ESRRB: variants seen among roughly 807,000 people sequenced by gnomAD.
ESRRB encodes steroid hormone receptor ERR2.
Under a neutral mutation model 46.0 loss-of-function variants are expected in ESRRB, and 16 were observed. The ratio of observed to expected loss-of-function variants is 0.35; its 90% CI spans 0.24 to 0.53. ESRRB has a LOEUF of 0.53. Among genes scored for constraint, ESRRB ranks in the 20% least tolerant of loss-of-function variants. The pLI is 0.93. For missense variants in ESRRB, 488 were observed against 607.4 expected (o/e 0.80, Z 2.07); for synonymous variants, 246 against 259.6 (o/e 0.95, Z 0.50).
Position 76,358,497 on chromosome 14 carries a change from G to A in ESRRB, c.2+47581G>A, listed in dbSNP as rs745510109. On this transcript the variant is annotated intron_variant, in intron 1 of 6. Transcript: ENST00000512784. ...CATGAGCTGGGGTGCTGCAGGGTTT[G>A]ATTTTCTCATCGGCGTGCTGGGTAC... 7.3e-5 allele frequency among the ~76,000 whole-genome samples: 11 copies of A among 151,544 alleles called. 1 individual carries two copies. Among genetic ancestry groups the A allele is most frequent in the African/African-American group, 9.8e-5 (4 of 40,920 alleles).
intron 2 of ESRRB, among the ~76,000 whole-genome samples, chr14:76,454,689 T>A (rs1888528415): frequency 6.6e-6 from 1 of 152,084 alleles, no homozygotes; most frequent in African/African-American, 2.4e-5. Flanking sequence ...GGGATTAGGG[T>A]GGACAATTTG....
chr14:76,330,270 G>A (rs529334761), intron 1 of ESRRB, among the ~76,000 whole-genome samples: 12 of 152,272 alleles, frequency 7.9e-5, no homozygotes, highest in African/African-American at 2.6e-4. Flanking sequence ...ATGGGGTCCC[G>A]GGAGCCAGGC....
At chr14:76,391,674 A>G (rs549298070) in intron 1 of ESRRB, among the ~76,000 whole-genome samples, 2 of 152,362 alleles carry the variant, frequency 1.3e-5, no homozygotes, top group East Asian at 3.9e-4. Context: ...TCTGCAGCAC[A>G]GAGTCAGTCA....
rs1888574627 is a variant in ESRRB at position 76,455,655 on chromosome 14, C to CA, written c.461-6890_461-6889insA. On this transcript the variant is annotated intron_variant, in intron 2 of 6. Transcript: ENST00000644823. ...TTAAAAGGTATAGGAGAGGTAAAAT[C>CA]GGCAATACCTTGTATATGTGGAAAT... Among the ~76,000 whole-genome samples the CA allele has an allele frequency of 2.6e-5, 4 of 152,214 alleles. No individual in the cohort carries two copies. In the South Asian group the frequency reaches 8.3e-4, roughly 32 times the overall value.
intron 3 of ESRRB, among the ~76,000 whole-genome samples, chr14:76,474,613 G>T (rs1389703691): frequency 6.6e-6 from 1 of 152,106 alleles, no homozygotes; most frequent in Non-Finnish European, 1.5e-5. Flanking sequence ...GGCTGAAGAG[G>T]GTGGATTGCT....
chr14:76,373,276 T>C (rs116339721), upstream of ESRRB, among the ~76,000 whole-genome samples: 507 of 152,252 alleles, frequency 3.3e-3, 1 homozygote, highest in African/African-American at 0.011. Context: ...AGCAGTAAAA[T>C]AAATCATGAT....
chr14:76,467,409 G>A (rs1889163583), intron 3 of ESRRB, among the ~76,000 whole-genome samples: 1 of 150,940 alleles, frequency 6.6e-6, no homozygotes, highest in South Asian at 2.1e-4. Flanking sequence ...ACTGAGGCAG[G>A]AGCATTGCTT....
At chr14:76,405,539 G>A (rs778061096) in intron 1 of ESRRB, among the ~76,000 whole-genome samples, 1 of 152,188 alleles carries the variant, frequency 6.6e-6, no homozygotes, top group African/African-American at 2.4e-5. Flanking sequence ...CCATGAGCAT[G>A]ATCAGAAGAG....
intron 1 of ESRRB, 125 bp from the exon 2 acceptor site, chr14:76,439,216 C>A: frequency 9.0e-7 from 1 of 1,107,208 alleles, no homozygotes; most frequent in Non-Finnish European, 1.4e-6. Flanking sequence ...ACCTTCTCCA[C>A]CGTTGTTTTA....
chr14:76,465,789 C>T (rs1036111934), intron 3 of ESRRB, among the ~76,000 whole-genome samples: 1 of 152,224 alleles, frequency 6.6e-6, no homozygotes, highest in Admixed American at 6.5e-5. Context: ...CCCCCACTCC[C>T]CGCCAGTGCT....
In ESRRB at chr14:76,320,454, C is replaced by G. The variant is rs571429505; in HGVS notation, c.2+9538C>G. Among the ~76,000 whole-genome samples, 3 of 152,312 alleles carry G rather than the reference C, an allele frequency of 2.0e-5. No individual in the cohort carries two copies. In the South Asian group the frequency reaches 6.2e-4, roughly 32 times the overall value. The stretch of plus-strand genomic sequence containing the variant: ...TGTTCAGTCCTGACCTTCTCCTGTG[C>G]CCCCCTGGGCAGTGATCATGTTGTA... On this transcript the variant is annotated intron_variant, in intron 1 of 6. Coordinates refer to the ESRRB transcript ENST00000512784.
chr14:76,433,528 C>T (rs1313149590), intron 1 of ESRRB, among the ~76,000 whole-genome samples: 1 of 152,200 alleles, frequency 6.6e-6, no homozygotes, highest in Non-Finnish European at 1.5e-5. Context: ...AGTAACAAAA[C>T]ATTCCTTCCC....
rs767053195 is a variant in ESRRB, at chr14:76,462,663, TA to T, written c.577+4del. The T allele has an allele frequency of 3.1e-6, 5 of 1,608,134 alleles. No individual in the cohort carries two copies. The highest frequency in any genetic ancestry group is 4.3e-6 in the Non-Finnish European group (5 of 1,174,840). The stretch of plus-strand genomic sequence containing the variant: ...TCAAAGTGGGGATGCTGAAGGAAGG[TA>T]AGAGACCCCACCGAGTCGGGGTTCA... On this transcript the variant is annotated splice_donor_region_variant and intron_variant, in intron 3 of 6. Transcript: ENST00000644823.
intron 3 of ESRRB, among the ~76,000 whole-genome samples, chr14:76,480,002 G>C (rs1426695997): frequency 6.6e-6 from 1 of 152,164 alleles, no homozygotes; most frequent in East Asian, 1.9e-4. Context: ...CGAGTAGCTG[G>C]AATTACAGGC....
In ESRRB at chr14:76,376,258, G is replaced by A; in HGVS notation, c.-144G>A. On this transcript the variant is annotated 5_prime_UTR_variant, in exon 1 of 7. Transcript: ENST00000644823. This position sits in a 1 kb window ranked among gnomAD's most constrained non-coding sequence, Gnocchi z 4.1. ...ACGGCTCTCTGCCTCCCTCTCCCCC[G>A]CCGCGGCCGCCTCCTCCCACTCTGC... 2.1e-6 allele frequency: 1 copy of A among 487,134 alleles called. No homozygotes were observed. Among genetic ancestry groups the A allele is most frequent in the Non-Finnish European group, 3.2e-6 (1 of 308,148 alleles). The allele number at this position is 487,134 out of a possible 1,614,324, so 30.2% of individuals were successfully genotyped here.
chr14:76,368,583 G>C (rs1369761501), upstream of ESRRB, among the ~76,000 whole-genome samples: 3 of 152,130 alleles, frequency 2.0e-5, no homozygotes. Context: ...AGTGGTGACT[G>C]CCTTTTACCC....
chr14:76,411,111 A>G (rs1164037438), intron 1 of ESRRB, among the ~76,000 whole-genome samples: 1 of 151,814 alleles, frequency 6.6e-6, no homozygotes, highest in Non-Finnish European at 1.5e-5. Flanking sequence ...GTCCATCCAT[A>G]TGCTATCGTT....
At chr14:76,364,780 CAAAG>C (rs1884502377) in intron 1 of ESRRB, among the ~76,000 whole-genome samples, 6 of 151,620 alleles carry the variant, frequency 4.0e-5, no homozygotes, top group Admixed American at 2.0e-4. Flanking sequence ...CAGGAAGAGA[CAAAG>C]AATAACTGGG....
intron 1 of ESRRB, among the ~76,000 whole-genome samples, chr14:76,333,567 A>G (rs961734358): frequency 7.5e-5 from 11 of 146,458 alleles, no homozygotes; most frequent in Non-Finnish European, 1.6e-4. Flanking sequence ...AGTTCAAGCA[A>G]TCCTCCTGTC....
Sources: allele counts gnomAD v4.1 joint callset (sites outside exome capture counted in the v4.1 genomes callset), GRCh38; gene constraint gnomAD v4.1.1; non-coding constraint Gnocchi (gnomAD v3.1); transcripts MANE v1.5; gene names NCBI Gene and HGNC (gene_info 2026-07-23, HGNC 2026-07-21).